GDAP2: variants seen among roughly 807,000 people sequenced by gnomAD.
GDAP2 encodes the protein ganglioside-induced differentiation-associated protein 2.
Under a neutral mutation model 67.0 loss-of-function variants are expected in GDAP2, and 51 were observed. The observed-to-expected ratio is 0.76, with a 90% confidence interval of 0.61 to 0.96. The LOEUF is 0.96. Among genes scored for constraint, GDAP2 ranks in the 40% least tolerant of loss-of-function variants. The pLI is 0.00. For missense variants in GDAP2, 547 were observed against 588.3 expected (o/e 0.93, Z 0.73); for synonymous variants, 203 against 207.3 (o/e 0.98, Z 0.18).
chr1:117,894,398 T>C (rs1206438687), intron 8 of GDAP2, among the ~76,000 whole-genome samples: 1 of 152,204 alleles, frequency 6.6e-6, no homozygotes, highest in Non-Finnish European at 1.5e-5. Flanking sequence ...ACATTTACAT[T>C]GATAGTGCAA....
rs376659158 is a variant in GDAP2 at position 117,870,519 on chromosome 1, C to G, written c.*50G>C. 2 of 1,120,904 alleles carry G rather than the reference C, an allele frequency of 1.8e-6. No individual in the cohort carries two copies. Among genetic ancestry groups the G allele is most frequent in the South Asian group, 2.5e-5 (2 of 81,118 alleles). 69.4% of individuals were successfully genotyped at this position (1,120,904 alleles called of 1,614,324 possible). On this transcript the variant is annotated 3_prime_UTR_variant, in exon 14 of 14. Transcript: ENST00000369443. ...AATATCACTTCAACAGGTAGCTATT[C>G]GTGGAGGAAGTGGCATCCTGGGAAC...
intron 8 of GDAP2, among the ~76,000 whole-genome samples, chr1:117,888,999 G>C (rs1394064032): frequency 2.6e-5 from 4 of 152,040 alleles, no homozygotes; most frequent in African/African-American, 9.7e-5. Flanking sequence ...TAGTTCTATA[G>C]ACTGCCTTCT....
In GDAP2 at chr1:117,911,479, T is replaced by C. The variant is rs74571547; in HGVS notation, c.559+515A>G. On this transcript the variant is annotated intron_variant, in intron 5 of 13. Transcript: ENST00000369443. ...TACTCAATGCATTAGCCATACTTTC[T>C]AACTTAGCATCACTTTCAAATTCAA... is the stretch of plus-strand genomic sequence containing the variant. Among the ~76,000 whole-genome samples, 653 of 152,334 alleles carry C rather than the reference T, an allele frequency of 4.3e-3. 4 individuals carry two copies. The highest frequency in any genetic ancestry group is 0.015 in the African/African-American group (621 of 41,578).
intron 10 of GDAP2, 33 bp from the exon 11 acceptor site, chr1:117,883,660 C>T (rs1408677083): frequency 2.0e-6 from 3 of 1,508,886 alleles, no homozygotes; most frequent in Non-Finnish European, 2.7e-6. Context: ...AGGTGAAGAT[C>T]ATTTTGAACA....
intron 1 of GDAP2, among the ~76,000 whole-genome samples, chr1:117,925,022 A>C (rs905063547): frequency 7.9e-5 from 12 of 152,296 alleles, no homozygotes; most frequent in Admixed American, 5.2e-4. Context: ...CTTAGCTATA[A>C]TCTAAAAACA....
intron 1 of GDAP2, among the ~76,000 whole-genome samples, chr1:117,920,839 A>G (rs1650225794): frequency 6.6e-6 from 1 of 152,226 alleles, no homozygotes; most frequent in Non-Finnish European, 1.5e-5. Flanking sequence ...TGAGTAAGAC[A>G]AAATGAAAAG....
chr1:117,925,211 G>C (rs1650404038), intron 1 of GDAP2, among the ~76,000 whole-genome samples: 1 of 152,160 alleles, frequency 6.6e-6, no homozygotes, highest in Non-Finnish European at 1.5e-5. Context: ...CCAGCAGTTT[G>C]GGAGGCTGAG....
intron 1 of GDAP2, among the ~76,000 whole-genome samples, chr1:117,929,217 C>G (rs543419999): frequency 1.4e-3 from 210 of 152,352 alleles, no homozygotes; most frequent in Non-Finnish European, 2.6e-3. Context: ...TTCCTAGTGC[C>G]CGCCGACTGC....
At position 117,870,580 on chromosome 1, in the gene GDAP2, G is replaced by A. The variant is rs377504138; in HGVS notation, c.1483C>T (p.Pro495Ser). The change falls in exon 14 of 14, where the codon CCA (proline) becomes TCA (serine). Residue 495 changes from proline to serine, a missense_variant. Pro to Ser is a moderately conservative substitution (Grantham distance 74). Coordinates refer to ENST00000369443, the MANE Select transcript of GDAP2 (RefSeq NM_017686.4). ...GPYYTSYPPSPDL is the reference protein window; with the variant it reads ...GPYYTSYPPSSDL ...TGAAAGATGGCAGGTCACAAATCTGGTGATGGGGGATATGATGTATAGTAA... is the reference window on the plus strand; with the variant it reads ...TGAAAGATGGCAGGTCACAAATCTGATGATGGGGGATATGATGTATAGTAA... 40 of 1,605,424 alleles carry A rather than the reference G, an allele frequency of 2.5e-5. No homozygotes were observed. Among genetic ancestry groups the A allele is most frequent in the Non-Finnish European group, 3.3e-5 (39 of 1,172,242 alleles).
rs1205128748 is a variant in GDAP2, at chr1:117,870,259, T to C, written c.*310A>G. 7.9e-6 allele frequency: 3 copies of C among 380,716 alleles called. No homozygotes were observed. The highest frequency in any genetic ancestry group is 1.4e-5 in the Non-Finnish European group (3 of 209,186). The allele number at this position is 380,716 out of a possible 1,614,324, so 23.6% of individuals were successfully genotyped here. On this transcript the variant is annotated 3_prime_UTR_variant, in exon 14 of 14. Coordinates refer to ENST00000369443, the MANE Select transcript of GDAP2 (RefSeq NM_017686.4). The stretch of plus-strand genomic sequence containing the variant: ...TGAACAGTCTTGGTGGTTTATCTAA[T>C]GGAGAATTCGGTGTCCTTCAGGAAA...
intron 6 of GDAP2, 117 bp downstream of exon 6, chr1:117,906,389 A>G: frequency 3.1e-6 from 2 of 646,380 alleles, no homozygotes; most frequent in Non-Finnish European, 5.5e-6. Context: ...TGTCAAATAC[A>G]TACATAGATC....
At chr1:117,893,124 A>G (rs1649149042) in intron 8 of GDAP2, among the ~76,000 whole-genome samples, 1 of 152,204 alleles carries the variant, frequency 6.6e-6, no homozygotes, top group African/African-American at 2.4e-5. Flanking sequence ...GTATTTAATA[A>G]TGAAAAAGAT....
In GDAP2 at chr1:117,899,206, TG is replaced by T; in HGVS notation, c.646del (p.Gln216LysfsTer12). On this transcript the variant is annotated frameshift_variant, in exon 7 of 14. Coordinates refer to ENST00000369443, the MANE Select transcript of GDAP2 (RefSeq NM_017686.4). LOFTEE classifies it high-confidence loss of function. ...AVSDLEEGTY[Q>X]KLLPLYFPRS... ...TGGGAAGTAGAGAGGTAGCAGCTTTTGGTAAGTACCCTGTGTCAGAAAAGCA... is the reference window on the plus strand; with the variant it reads ...TGGGAAGTAGAGAGGTAGCAGCTTTTGTAAGTACCCTGTGTCAGAAAAGCA... 1 of 1,610,396 alleles carries T rather than the reference TG, an allele frequency of 6.2e-7. No homozygotes were observed. The highest frequency in any genetic ancestry group is 8.5e-7 in the Non-Finnish European group (1 of 1,176,622).
chr1:117,895,512 C>T (rs1342282060), intron 8 of GDAP2, among the ~76,000 whole-genome samples: 2 of 151,914 alleles, frequency 1.3e-5, no homozygotes, highest in Non-Finnish European at 2.9e-5. Flanking sequence ...CTCTGGGGTC[C>T]TCAACAATTT....
intron 8 of GDAP2, among the ~76,000 whole-genome samples, chr1:117,895,462 T>C (rs1649232101): frequency 6.6e-6 from 1 of 152,228 alleles, no homozygotes; most frequent in South Asian, 2.1e-4. Flanking sequence ...ATTTCTCATG[T>C]GATAAATATT....
At chr1:117,904,642 G>A (rs960218254) in intron 6 of GDAP2, among the ~76,000 whole-genome samples, 1 of 152,182 alleles carries the variant, frequency 6.6e-6, no homozygotes, top group African/African-American at 2.4e-5. Flanking sequence ...GTCATGGTAA[G>A]TTGCCACGGC....
intron 2 of GDAP2, among the ~76,000 whole-genome samples, chr1:117,919,178 T>C (rs955977242): frequency 4.6e-5 from 7 of 151,978 alleles, no homozygotes; most frequent in Non-Finnish European, 1.0e-4. Flanking sequence ...ATCAAGACCA[T>C]CCTGGCTGAC....
At chr1:117,904,449 T>C (rs1028891294) in intron 6 of GDAP2, among the ~76,000 whole-genome samples, 1 of 152,248 alleles carries the variant, frequency 6.6e-6, no homozygotes, top group Non-Finnish European at 1.5e-5. Flanking sequence ...ATTTACTTGA[T>C]ACAAAGAGGT....
intron 1 of GDAP2, among the ~76,000 whole-genome samples, chr1:117,924,478 G>C (rs1650374015): frequency 6.6e-6 from 1 of 152,166 alleles, no homozygotes; most frequent in African/African-American, 2.4e-5. Flanking sequence ...AGTTTTTTGA[G>C]AAGTTTTTCA....
Sources: gnomAD v4.1 joint callset for allele counts (sites outside exome capture counted in the v4.1 genomes callset) on GRCh38, gnomAD v4.1.1 for gene constraint, MANE v1.5 for transcripts, NCBI Gene and HGNC (gene_info 2026-07-23, HGNC 2026-07-21) for gene names.